Variants in TULP4 observed in about 807,000 individuals in gnomAD.
TULP4 encodes tubby-related protein 4.
A neutral mutation model predicts 129.0 loss-of-function variants in TULP4; 16 were observed. The observed-to-expected ratio is 0.12, with a 90% CI of 0.08 to 0.19. The LOEUF (loss-of-function observed/expected upper bound fraction) is 0.19, where lower values mean the gene tolerates loss of function less well. Among genes scored for constraint, TULP4 ranks in the 10% least tolerant of loss-of-function variants. TULP4 has a pLI of 1.00. For synonymous variants in TULP4, 998 were observed against 854.0 expected, an observed-to-expected ratio of 1.17 and a Z score of -2.94; for missense variants, 1,842 against 2,059.1, an observed-to-expected ratio of 0.89 and a Z score of 2.04.
chr6:158,426,387 G>A (rs1228760145), intron 2 of TULP4, among the ~76,000 whole-genome samples: 5 of 152,104 alleles, frequency 3.3e-5, no homozygotes, highest in Admixed American at 3.3e-4. Context: ...ATCTTGAGTT[G>A]ATTTTTGTAT....
chr6:158,388,499 T>G (rs974476698), intron 1 of TULP4, among the ~76,000 whole-genome samples: 23 of 151,686 alleles, frequency 1.5e-4, no homozygotes, highest in African/African-American at 5.1e-4. Context: ...CCGGCTAATT[T>G]TTTGTAGTTT....
At chr6:158,274,480 A>G (rs1471764688) in intron 1 of TULP4, among the ~76,000 whole-genome samples, 1 of 152,182 alleles carries the variant, frequency 6.6e-6, no homozygotes, top group East Asian at 1.9e-4. Context: ...CATTTCATTT[A>G]AACCTTCCAG....
Position 158,479,972 on chromosome 6 carries a change from C to T in TULP4, c.1248C>T (p.Ile416=). 6.2e-7 allele frequency: 1 copy of T among 1,600,680 alleles called. No homozygotes were observed. The highest frequency in any genetic ancestry group is 8.5e-7 in the Non-Finnish European group (1 of 1,175,182). ...SYLSTAFIPT[I]KPPIPDPNNM... is the part of the protein sequence containing the mutation. Reference sequence around the variant, plus strand: ...TCTCCACTGCCTTCATCCCCACCATCAAGGTAAAGCCCTCCACCCCTCCCT... The same window carrying T: ...TCTCCACTGCCTTCATCCCCACCATTAAGGTAAAGCCCTCCACCCCTCCCT... Residue 416 remains isoleucine, a synonymous_variant, in exon 7 of 14, where the codon ATC becomes ATT. Transcript: ENST00000367097.
chr6:158,239,077 C>T (rs1415223456), intron 1 of TULP4, among the ~76,000 whole-genome samples: 3 of 127,004 alleles, frequency 2.4e-5, no homozygotes, highest in Non-Finnish European at 5.5e-5. Context: ...CACCTCCCTC[C>T]CGGACGGGGC....
intron 1 of TULP4, among the ~76,000 whole-genome samples, chr6:158,355,799 C>T (rs939964882): frequency 6.6e-6 from 1 of 152,116 alleles, no homozygotes; most frequent in Non-Finnish European, 1.5e-5. Flanking sequence ...ACAATACAAA[C>T]GAGAAATCTG....
At chr6:158,275,241 C>A (rs1245106648) in intron 1 of TULP4, among the ~76,000 whole-genome samples, 1 of 152,184 alleles carries the variant, frequency 6.6e-6, no homozygotes. Flanking sequence ...TTGTTGCTTT[C>A]CTCTTAGTCC....
chr6:158,342,855 T>C (rs1307717875), intron 1 of TULP4, among the ~76,000 whole-genome samples: 1 of 152,136 alleles, frequency 6.6e-6, no homozygotes, highest in Non-Finnish European at 1.5e-5. Context: ...ATTTCATATA[T>C]AAAATATCTG....
intron 1 of TULP4, among the ~76,000 whole-genome samples, chr6:158,246,408 C>A (rs262822): frequency 0.064 from 9,736 of 151,534 alleles, 375 homozygotes; most frequent in East Asian, 0.093. Context: ...AGGAGAATGG[C>A]GTGAACCCAG....
At chr6:158,309,196 G>A (rs1779287339), upstream of TULP4, among the ~76,000 whole-genome samples, 1 of 50,060 alleles carries the variant, frequency 2.0e-5, no homozygotes, top group African/African-American at 5.9e-5. Context: ...CAGGCGGAGG[G>A]TCTCCTCACT....
At chr6:158,412,820 T>C (rs2115008690) in intron 1 of TULP4, among the ~76,000 whole-genome samples, 1 of 152,274 alleles carries the variant, frequency 6.6e-6, no homozygotes, top group East Asian at 1.9e-4. Flanking sequence ...GTCGCCTCTT[T>C]GTTTTTGTAG....
intron 1 of TULP4, among the ~76,000 whole-genome samples, chr6:158,293,079 C>T (rs961769466): frequency 6.6e-6 from 1 of 152,200 alleles, no homozygotes; most frequent in East Asian, 1.9e-4. Context: ...TTCTTTTAAA[C>T]TACTAATCAA....
At chr6:158,310,181 G>T (rs557992923), upstream of TULP4, among the ~76,000 whole-genome samples, 1 of 152,208 alleles carries the variant, frequency 6.6e-6, no homozygotes, top group Non-Finnish European at 1.5e-5. Context: ...GGCTCTGCAG[G>T]CTTTACAGGA....
chr6:158,291,483 T>A (rs961351749), intron 1 of TULP4, among the ~76,000 whole-genome samples: 19 of 152,246 alleles, frequency 1.2e-4, no homozygotes, highest in African/African-American at 4.1e-4. Flanking sequence ...GGTGTTTTTA[T>A]TGTGCACTTT....
At chr6:158,256,645 A>C (rs185891895) in intron 1 of TULP4, among the ~76,000 whole-genome samples, 117 of 152,338 alleles carry the variant, frequency 7.7e-4, no homozygotes, top group African/African-American at 2.8e-3. Context: ...ATACATATGG[A>C]TATATTAGCA....
At chr6:158,246,026 GTGTGTGT>G (rs1562493302) in intron 1 of TULP4, among the ~76,000 whole-genome samples, 21 of 74,194 alleles carry the variant, frequency 2.8e-4, no homozygotes, top group Non-Finnish European at 4.1e-4. Context: ...CCTTAGGGGT[GTGTGTGT>G]GTGTGTGTGT....
At chr6:158,442,453 G>T (rs1778919733) in intron 3 of TULP4, among the ~76,000 whole-genome samples, 1 of 151,852 alleles carries the variant, frequency 6.6e-6, no homozygotes, top group African/African-American at 2.4e-5. Context: ...GCAGAGGATA[G>T]GATGTTCCCC....
chr6:158,404,954 T>C (rs964505343), intron 1 of TULP4, among the ~76,000 whole-genome samples: 1 of 152,114 alleles, frequency 6.6e-6, no homozygotes, highest in Admixed American at 6.5e-5. Flanking sequence ...TAAACTGTTA[T>C]ATATGTCATA....
intron 2 of TULP4, among the ~76,000 whole-genome samples, chr6:158,420,148 A>G (rs1778302784): frequency 6.6e-6 from 1 of 152,278 alleles, no homozygotes; most frequent in Non-Finnish European, 1.5e-5. Context: ...GAGGAAAATC[A>G]GATTTCCAAA....
intron 1 of TULP4, among the ~76,000 whole-genome samples, chr6:158,390,925 A>G (rs1405396277): frequency 6.6e-6 from 1 of 152,202 alleles, no homozygotes; most frequent in African/African-American, 2.4e-5. Context: ...CTCTGTCTCT[A>G]TAAAAAGTAA....
Sources: allele counts gnomAD v4.1 joint callset (sites outside exome capture counted in the v4.1 genomes callset), GRCh38; gene constraint gnomAD v4.1.1; transcripts MANE v1.5; gene names NCBI Gene and HGNC (gene_info 2026-07-23, HGNC 2026-07-21).